Variants in RRP12 observed in about 807,000 individuals in gnomAD.
RRP12 encodes RRP12-like protein.
Under a neutral mutation model 157.3 loss-of-function variants are expected in RRP12, and 78 were observed. That is an observed-to-expected ratio of 0.50 (90% confidence interval 0.41 to 0.60). The LOEUF is 0.60. RRP12 is among the 20% of genes least tolerant of loss of function. The pLI is 0.00. For synonymous variants in RRP12, 726 were observed against 670.9 expected (o/e 1.08, Z -1.27); for missense variants, 1,521 against 1,679.9 (o/e 0.91, Z 1.65).
At chr10:97,359,603 C>A (rs1843791691) in intron 31 of RRP12, among the ~76,000 whole-genome samples, 1 of 152,232 alleles carries the variant, frequency 6.6e-6, no homozygotes, top group Admixed American at 6.5e-5. Flanking sequence ...TGGAATCCTA[C>A]CATGCCAGCT....
intron 14 of RRP12, 33 bp downstream of exon 14, chr10:97,379,595 G>C: frequency 6.2e-7 from 1 of 1,611,250 alleles, no homozygotes; most frequent in Non-Finnish European, 8.5e-7. Flanking sequence ...CAAGCCTGGG[G>C]CTTGTCAGGA....
intron 6 of RRP12, 29 bp from the exon 7 acceptor site, chr10:97,388,653 G>T: frequency 2.5e-6 from 4 of 1,608,170 alleles, no homozygotes; most frequent in Non-Finnish European, 3.4e-6. Flanking sequence ...AGGAGACAAG[G>T]CCAGATCAGC....
chr10:97,400,856 T>A (rs1845125484), intron 1 of RRP12, among the ~76,000 whole-genome samples: 1 of 152,198 alleles, frequency 6.6e-6, no homozygotes, highest in African/African-American at 2.4e-5. Context: ...CCAAGCCATC[T>A]GTCTCAACTC....
In RRP12 at chr10:97,366,789, T is replaced by C. The variant is rs143991248; in HGVS notation, c.3168A>G (p.Glu1056=). The change falls in exon 27 of 34, where the codon GAA becomes GAG. Residue 1056 remains glutamate (E), a synonymous_variant. Transcript: ENST00000370992. ...GCTCCTCCTCCTCCTCCTCCTCTTC[T>C]TCCTCCTCCACGGCAGCCTGGCTCA... The part of the protein sequence containing the change: ...RALSQAAVEE[E]EEEEEEEEPA... 4.3e-4 allele frequency: 694 copies of C among 1,613,294 alleles called. No homozygotes were observed. Among genetic ancestry groups the C allele is most frequent in the Non-Finnish European group, 5.5e-4 (648 of 1,180,002 alleles).
chr10:97,376,318 G>A (rs573932237), intron 15 of RRP12, among the ~76,000 whole-genome samples: 4 of 141,670 alleles, frequency 2.8e-5, no homozygotes, highest in African/African-American at 7.9e-5. Context: ...GGGTGCAAAC[G>A]ATTGTCCTGC....
intron 4 of RRP12, 117 bp downstream of exon 4, chr10:97,393,567 G>A: frequency 1.2e-6 from 1 of 856,856 alleles, no homozygotes; most frequent in East Asian, 2.5e-5. Flanking sequence ...TCTAGACAAT[G>A]TTCATGAAGA....
intron 3 of RRP12, among the ~76,000 whole-genome samples, chr10:97,395,551 C>CAAA (rs879295022): frequency 8.5e-6 from 1 of 118,124 alleles, no homozygotes. Context: ...GACTCTGTTT[C>CAAA]AAAAAAAAAA....
At position 97,374,320 on chromosome 10, in the gene RRP12, C is replaced by T. The variant is rs1477711537; in HGVS notation, c.1799-426G>A. Among the ~76,000 whole-genome samples the T allele has an allele frequency of 2.9e-4, 44 of 152,124 alleles. 1 individual carries two copies. The highest frequency in any genetic ancestry group is 2.9e-3 in the Admixed American group (44 of 15,274). ...AAGAAGCAGACTACAGGCGTGCATG[C>T]CACCACACCCACCTAACTTTTTGTA... is the stretch of plus-strand genomic sequence containing the variant. On this transcript the variant is annotated intron_variant, in intron 15 of 33. Transcript: ENST00000370992.
rs764109897 is a variant in RRP12, at chr10:97,370,213, G to C, written c.2751C>G (p.Val917=). 1.2e-6 allele frequency: 2 copies of C among 1,607,390 alleles called. No homozygotes were observed. Among genetic ancestry groups the C allele is most frequent in the Non-Finnish European group, 1.7e-6 (2 of 1,177,454 alleles). The stretch of plus-strand genomic sequence containing the variant: ...GGGTCAGGGCCAGGATGCTGCAGCT[G>C]ACCATGGTCACCGCGCCCACCAGGC... ...YPGLVGAVTM[V]SCSILALTHL... Residue 917 remains valine (V), a synonymous_variant, in exon 24 of 34, where the codon GTC becomes GTG. Coordinates refer to ENST00000370992, the MANE Select transcript of RRP12 (RefSeq NM_015179.4).
chr10:97,380,722 G>T, intron 13 of RRP12, 77 bp downstream of exon 13: 1 of 1,030,190 alleles, frequency 9.7e-7, no homozygotes, highest in South Asian at 1.3e-5. Context: ...AGATAACAGA[G>T]ACACGTGCCC....
At position 97,370,238 on chromosome 10, in the gene RRP12, C is replaced by T. The variant is rs1194475419; in HGVS notation, c.2726G>A (p.Gly909Asp). ...LQCYLVLIYP[G>D]LVGAVTMVSC... ...GACCATGGTCACCGCGCCCACCAGG[C>T]CAGGGTAGATCAGGACGAGGTAGCA... is the stretch of plus-strand genomic sequence containing the variant. The change falls in exon 24 of 34, where the codon GGC (glycine) becomes GAC (aspartate). Residue 909 changes from glycine to aspartate, a missense_variant. Physicochemically the swap from Gly to Asp is moderately conservative, Grantham distance 94. Transcript: ENST00000370992. 1 of 1,604,488 alleles carries T rather than the reference C, an allele frequency of 6.2e-7. No individual in the cohort carries two copies. The highest frequency in any genetic ancestry group is 8.5e-7 in the Non-Finnish European group (1 of 1,176,114).
intron 20 of RRP12, 162 bp downstream of exon 20, chr10:97,371,911 G>A (rs758458834): frequency 1.4e-4 from 79 of 580,646 alleles, no homozygotes; most frequent in Non-Finnish European, 1.5e-4. Flanking sequence ...CAAGACAGAT[G>A]GGCTACACAG....
In RRP12 at chr10:97,381,778, A is replaced by G; in HGVS notation, c.1257T>C (p.Thr419=). ...GTGGGGAAAGGAGGCAGGTCACCGC[A>G]GTTCCAAAAAAGCGAGGGAGGTGGC... ...GLGHLPRFFG[T]AVTCLLSPHS... The change falls in exon 11 of 34, where the codon ACT becomes ACC. Residue 419 remains threonine (T), a synonymous_variant. Coordinates refer to ENST00000370992, the MANE Select transcript of RRP12 (RefSeq NM_015179.4). The G allele has an allele frequency of 6.2e-7, 1 of 1,614,148 alleles. No individual in the cohort carries two copies. The highest frequency in any genetic ancestry group is 8.5e-7 in the Non-Finnish European group (1 of 1,180,008).
intron 25 of RRP12, 112 bp from the exon 26 acceptor site, chr10:97,367,244 T>C: frequency 1.1e-6 from 1 of 892,638 alleles, no homozygotes; most frequent in Non-Finnish European, 1.8e-6. Flanking sequence ...AGGGGAGGGT[T>C]AGCGCGGCCC....
chr10:97,373,084 C>G lies in RRP12; in HGVS notation c.2143G>C (p.Glu715Gln). ...DTPAPRRAVLETIRTYLTITD... is the reference protein window; with the variant it reads ...DTPAPRRAVLQTIRTYLTITD... ...ATGGTGAGGTAAGTTCTGATGGTTT[C>G]CAGCACAGCCCGGCGAGGGGCTGGA... The change falls in exon 18 of 34, where the codon GAA becomes CAA. Residue 715 changes from glutamate (E) to glutamine (Q), a missense_variant. By Grantham distance (29) the Glu-to-Gln change is conservative (BLOSUM62 2). Coordinates refer to ENST00000370992, the MANE Select transcript of RRP12 (RefSeq NM_015179.4). 6.2e-7 allele frequency: 1 copy of G among 1,613,960 alleles called. No homozygotes were observed. The highest frequency in any genetic ancestry group is 8.5e-7 in the Non-Finnish European group (1 of 1,179,898).
intron 2 of RRP12, among the ~76,000 whole-genome samples, chr10:97,399,305 C>T (rs893922042): frequency 6.6e-6 from 1 of 152,024 alleles, no homozygotes; most frequent in African/African-American, 2.4e-5. Context: ...ATTTATTTTA[C>T]CTGTTTCTTT....
intron 23 of RRP12, 45 bp from the exon 24 acceptor site, chr10:97,370,319 G>A (rs769841301): frequency 4.8e-5 from 71 of 1,466,562 alleles, no homozygotes; most frequent in Non-Finnish European, 6.2e-5. Context: ...GGACCCACCA[G>A]GTAGGGGGGC....
intron 13 of RRP12, among the ~76,000 whole-genome samples, chr10:97,380,132 C>A (rs1349790926): frequency 2.0e-5 from 3 of 152,244 alleles, no homozygotes; most frequent in Admixed American, 1.3e-4. Context: ...AGCCCTCCCC[C>A]AGCCACACTT....
chr10:97,383,089 A>G (rs1217996142), intron 10 of RRP12, among the ~76,000 whole-genome samples: 3 of 152,218 alleles, frequency 2.0e-5, no homozygotes, highest in Admixed American at 6.5e-5. Flanking sequence ...ATGGCTGCAC[A>G]GTACTTCATT....
Sources: allele counts gnomAD v4.1 joint callset (sites outside exome capture counted in the v4.1 genomes callset), GRCh38; gene constraint gnomAD v4.1.1; transcripts MANE v1.5; gene names NCBI Gene and HGNC (gene_info 2026-07-23, HGNC 2026-07-21).